KCNU1: variants seen among roughly 807,000 people sequenced by gnomAD.
KCNU1 encodes the protein potassium calcium-activated channel subfamily U member 1.
In KCNU1, 93 loss-of-function variants were observed where a neutral mutation model predicts 126.8. That is an observed-to-expected ratio of 0.73 (90% confidence interval 0.62 to 0.87). KCNU1 has a LOEUF of 0.87. KCNU1 is among the 40% of genes least tolerant of loss of function. The probability of loss-of-function intolerance (pLI) is 0.00; values close to 1 mark genes in which losing one functional copy is unlikely to be tolerated. For synonymous variants in KCNU1, 523 were observed against 494.2 expected, an observed-to-expected ratio of 1.06 and a Z score of -0.77; for missense variants, 1,330 against 1,367.1, an observed-to-expected ratio of 0.97 and a Z score of 0.43.
At chr8:36,818,168 T>G (rs1803990398) in intron 10 of KCNU1, among the ~76,000 whole-genome samples, 1 of 152,218 alleles carries the variant, frequency 6.6e-6, no homozygotes, top group Non-Finnish European at 1.5e-5. Context: ...AGTCTATCTT[T>G]CCACTAGCAG....
At chr8:36,901,916 C>T (rs1476233715) in intron 19 of KCNU1, among the ~76,000 whole-genome samples, 3 of 152,126 alleles carry the variant, frequency 2.0e-5, no homozygotes, top group African/African-American at 7.2e-5. Flanking sequence ...CCGTGGCTAC[C>T]TTTTCCTGCT....
intron 22 of KCNU1, among the ~76,000 whole-genome samples, chr8:36,913,133 C>T (rs774234009): frequency 2.0e-4 from 30 of 151,982 alleles, no homozygotes; most frequent in Middle Eastern, 3.4e-3. Context: ...CTAGACAAAA[C>T]GTAAACCTAT....
intron 14 of KCNU1, among the ~76,000 whole-genome samples, chr8:36,838,542 A>T (rs1804837483): frequency 6.6e-6 from 1 of 152,112 alleles, no homozygotes; most frequent in Non-Finnish European, 1.5e-5. Flanking sequence ...AATATATATA[A>T]AAAAATTAGC....
chr8:36,791,894 C>G (rs914968420), intron 2 of KCNU1, among the ~76,000 whole-genome samples: 1 of 152,010 alleles, frequency 6.6e-6, no homozygotes, highest in African/African-American at 2.4e-5. Context: ...ACTTCCTTTC[C>G]TTATTCCATA....
intron 14 of KCNU1, among the ~76,000 whole-genome samples, chr8:36,839,856 G>T (rs1804886544): frequency 6.6e-6 from 1 of 152,166 alleles, no homozygotes; most frequent in Admixed American, 6.5e-5. Context: ...CAGCCTTTCT[G>T]TTGGGTTGGG....
chr8:36,872,370 G>A (rs941269852), intron 19 of KCNU1, among the ~76,000 whole-genome samples: 1 of 151,980 alleles, frequency 6.6e-6, no homozygotes, highest in Admixed American at 6.6e-5. Context: ...GAAGCCTATC[G>A]CATGCTATGC....
intron 10 of KCNU1, among the ~76,000 whole-genome samples, chr8:36,833,135 C>A (rs1804616098): frequency 6.6e-6 from 1 of 151,976 alleles, no homozygotes; most frequent in South Asian, 2.1e-4. Flanking sequence ...TCTAAATGTT[C>A]TTTTCAGAAT....
chr8:36,868,269 T>G (rs1368199698), intron 19 of KCNU1, among the ~76,000 whole-genome samples: 1 of 152,072 alleles, frequency 6.6e-6, no homozygotes. Flanking sequence ...CAAAGGGAGT[T>G]CCAGCTAGCA....
At chr8:36,875,269 A>C (rs1049110565) in intron 19 of KCNU1, among the ~76,000 whole-genome samples, 52 of 151,496 alleles carry the variant, frequency 3.4e-4, no homozygotes, top group African/African-American at 1.2e-3. Flanking sequence ...CATAAGAATC[A>C]ACCAAAATAA....
chr8:36,931,218 A>T, intron 25 of KCNU1, 73 bp downstream of exon 25: 2 of 1,046,194 alleles, frequency 1.9e-6, no homozygotes, highest in Non-Finnish European at 1.4e-6. Context: ...GGTCCAGGCT[A>T]TTTGGGTTCA....
chr8:36,859,129 T>A (rs1585472135), intron 18 of KCNU1, among the ~76,000 whole-genome samples: 1 of 152,196 alleles, frequency 6.6e-6, no homozygotes, highest in African/African-American at 2.4e-5. Flanking sequence ...TCAATTTGAA[T>A]CTGGAGATCC....
At chr8:36,912,219 A>G (rs1387163581) in intron 22 of KCNU1, among the ~76,000 whole-genome samples, 1 of 152,198 alleles carries the variant, frequency 6.6e-6, no homozygotes, top group Non-Finnish European at 1.5e-5. Flanking sequence ...GCTGTCGATA[A>G]CAATGTTCGT....
intron 21 of KCNU1, 69 bp downstream of exon 21, chr8:36,909,604 T>A: frequency 1.1e-6 from 1 of 898,640 alleles, no homozygotes; most frequent in Non-Finnish European, 1.8e-6. Flanking sequence ...GAATTAATAA[T>A]GATAATATTG....
intron 18 of KCNU1, among the ~76,000 whole-genome samples, chr8:36,846,484 A>G (rs948651946): frequency 6.6e-6 from 1 of 152,190 alleles, no homozygotes; most frequent in Non-Finnish European, 1.5e-5. Flanking sequence ...TCAAGCATTC[A>G]TAATCACTTA....
intron 5 of KCNU1, 102 bp downstream of exon 5, chr8:36,806,482 G>A (rs1803507668): frequency 3.0e-6 from 2 of 660,434 alleles, no homozygotes; most frequent in Non-Finnish European, 5.2e-6. Context: ...ATGCCTGACT[G>A]TCATTTTAAA....
intron 2 of KCNU1, among the ~76,000 whole-genome samples, chr8:36,790,551 A>G (rs1254426930): frequency 1.3e-5 from 2 of 152,106 alleles, no homozygotes; most frequent in Non-Finnish European, 2.9e-5. Flanking sequence ...GATAAAAAGG[A>G]AATTGAAAAT....
chr8:36,815,113 C>G (rs1204880219), intron 8 of KCNU1, among the ~76,000 whole-genome samples: 9 of 152,022 alleles, frequency 5.9e-5, no homozygotes, highest in Non-Finnish European at 1.3e-4. Context: ...GGCGGATTAC[C>G]TGAGGTCAGG....
Position 36,890,686 on chromosome 8 carries a change from A to G in KCNU1, c.2010-15022A>G, listed in dbSNP as rs144040178. Among the ~76,000 whole-genome samples the G allele has an allele frequency of 5.3e-3, 809 of 152,080 alleles. 6 individuals are homozygous for G. Among genetic ancestry groups the G allele is most frequent in the East Asian group, 0.016 (82 of 5,180 alleles). ...TTTTCAATATGAGTGGCATAAATAC[A>G]ATTAAAAGACAGCTATTGTTAGAGT... On this transcript the variant is annotated intron_variant, in intron 19 of 26. Transcript: ENST00000399881.
intron 19 of KCNU1, among the ~76,000 whole-genome samples, chr8:36,900,861 C>T (rs1157690743): frequency 1.3e-5 from 2 of 152,048 alleles, no homozygotes. Context: ...CACACAAATG[C>T]TTTTCCCTCC....
Sources: gnomAD v4.1 joint callset for allele counts (sites outside exome capture counted in the v4.1 genomes callset) on GRCh38, gnomAD v4.1.1 for gene constraint, MANE v1.5 for transcripts, NCBI Gene and HGNC (gene_info 2026-07-23, HGNC 2026-07-21) for gene names.